CDC42SE2: variants seen among roughly 807,000 people sequenced by gnomAD.
CDC42SE2 encodes the protein CDC42 small effector 2, also known as CDC42 small effector protein 2.
In CDC42SE2, 3 loss-of-function variants were observed where a neutral mutation model predicts 11.5. That is an observed-to-expected ratio of 0.26 (90% CI 0.12 to 0.67). CDC42SE2 has a LOEUF of 0.67. Among genes scored for constraint, CDC42SE2 ranks in the 30% least tolerant of loss-of-function variants. The pLI, the probability that CDC42SE2 is intolerant of heterozygous loss-of-function variation, is 0.80. For synonymous variants in CDC42SE2, 33 were observed against 34.8 expected, an observed-to-expected ratio of 0.95 and a Z score of 0.18; for missense variants, 82 against 106.8, an observed-to-expected ratio of 0.77 and a Z score of 1.02.
intron 1 of CDC42SE2, among the ~76,000 whole-genome samples, chr5:131,306,791 C>A (rs6892016): frequency 0.19 from 28,188 of 151,968 alleles, 6,752 homozygotes; most frequent in African/African-American, 0.56. Context: ...AGTTTTCAGC[C>A]TACAGATCTT....
At chr5:131,390,285 A>G (rs17167511) in intron 4 of CDC42SE2, among the ~76,000 whole-genome samples, 5,428 of 152,224 alleles carry the variant, frequency 0.036, 311 homozygotes, top group African/African-American at 0.12. Context: ...GGTTGGTCCA[A>G]TTTTATTCAT....
intron 1 of CDC42SE2, among the ~76,000 whole-genome samples, chr5:131,315,220 C>T (rs965838917): frequency 4.0e-5 from 6 of 151,828 alleles, no homozygotes; most frequent in East Asian, 1.9e-4. Flanking sequence ...TTTATTTGGA[C>T]GCTTTTAGAT....
At chr5:131,371,608 C>G (rs1410569583) in intron 3 of CDC42SE2, among the ~76,000 whole-genome samples, 1 of 152,206 alleles carries the variant, frequency 6.6e-6, no homozygotes, top group Non-Finnish European at 1.5e-5. Flanking sequence ...CAAACGTAGT[C>G]AAATGCATGT....
At chr5:131,267,094 T>C (rs1756884207) in intron 1 of CDC42SE2, among the ~76,000 whole-genome samples, 1 of 149,622 alleles carries the variant, frequency 6.7e-6, no homozygotes, top group South Asian at 2.1e-4. Flanking sequence ...CTTGCTCTGT[T>C]GCCAGGCTGG....
intron 4 of CDC42SE2, among the ~76,000 whole-genome samples, 182 bp from the exon 5 acceptor site, chr5:131,390,811 G>T (rs565255238): frequency 6.6e-6 from 1 of 152,248 alleles, no homozygotes; most frequent in South Asian, 2.1e-4. Flanking sequence ...TGTTTCAGTT[G>T]CTAGCCTCCC....
intron 2 of CDC42SE2, among the ~76,000 whole-genome samples, chr5:131,338,093 G>T (rs1318459253): frequency 1.3e-5 from 2 of 152,124 alleles, no homozygotes; most frequent in African/African-American, 2.4e-5. Context: ...GGCCATCTTG[G>T]CTCCACCCCC....
intron 1 of CDC42SE2, among the ~76,000 whole-genome samples, chr5:131,279,421 T>G (rs1320506647): frequency 6.6e-6 from 1 of 151,632 alleles, no homozygotes; most frequent in African/African-American, 2.4e-5. Context: ...CAGAACTGAT[T>G]CAGTTTGTTA....
At chr5:131,240,612 G>A (rs1315419041), upstream of CDC42SE2, among the ~76,000 whole-genome samples, 1 of 152,176 alleles carries the variant, frequency 6.6e-6, no homozygotes, top group Non-Finnish European at 1.5e-5. Flanking sequence ...CTACACCTTT[G>A]TTCACCATGA....
At chr5:131,282,616 A>T (rs923129140) in intron 1 of CDC42SE2, among the ~76,000 whole-genome samples, 32 of 151,944 alleles carry the variant, frequency 2.1e-4, no homozygotes, top group Admixed American at 2.1e-3. Flanking sequence ...TAATTCACAT[A>T]AAAAATCACC....
chr5:131,335,885 T>A (rs2149746428), intron 2 of CDC42SE2, among the ~76,000 whole-genome samples: 1 of 152,360 alleles, frequency 6.6e-6, no homozygotes, highest in African/African-American at 2.4e-5. Flanking sequence ...ATGGGTCTCC[T>A]GAATACAGCA....
intron 2 of CDC42SE2, among the ~76,000 whole-genome samples, chr5:131,358,296 G>A (rs910479731): frequency 1.1e-4 from 17 of 152,094 alleles, no homozygotes; most frequent in African/African-American, 3.9e-4. Flanking sequence ...GAGATATGTT[G>A]CCTTACAAAA....
chr5:131,329,012 C>A (rs1186600367), intron 2 of CDC42SE2, among the ~76,000 whole-genome samples: 1 of 152,184 alleles, frequency 6.6e-6, no homozygotes, highest in Non-Finnish European at 1.5e-5. Context: ...GCCCCTTGTA[C>A]AAGGTGGGGG....
chr5:131,290,806 C>T (rs1054516989), intron 1 of CDC42SE2, among the ~76,000 whole-genome samples: 1 of 151,712 alleles, frequency 6.6e-6, no homozygotes, highest in South Asian at 2.1e-4. Context: ...ATGAAACCAG[C>T]GTAGTTTTTA....
At chr5:131,310,094 A>G (rs1757870394) in intron 1 of CDC42SE2, among the ~76,000 whole-genome samples, 2 of 151,056 alleles carry the variant, frequency 1.3e-5, no homozygotes, top group African/African-American at 2.4e-5. Context: ...AGTGCTATAA[A>G]TTTCCTTCTA....
At position 131,307,460 on chromosome 5, in the gene CDC42SE2, C is replaced by G. The variant is rs185363073; in HGVS notation, c.-454-8516C>G. ...ATGTGCCACATTTTCTTAATCCAGTCTATCATTGTTGGACATTTGGCTTGG... is the reference window on the plus strand; with the variant it reads ...ATGTGCCACATTTTCTTAATCCAGTGTATCATTGTTGGACATTTGGCTTGG... On this transcript the variant is annotated intron_variant, in intron 1 of 4. Coordinates refer to ENST00000505065, the MANE Select transcript of CDC42SE2 (RefSeq NM_001375635.1). Among the ~76,000 whole-genome samples the G allele has an allele frequency of 4.1e-3, 628 of 152,162 alleles. 4 individuals are homozygous for G. Among genetic ancestry groups the G allele is most frequent in the African/African-American group, 0.013 (544 of 41,498 alleles).
chr5:131,261,228 T>C (rs1756722885), upstream of CDC42SE2: 2 of 152,366 alleles, frequency 1.3e-5, no homozygotes, highest in East Asian at 3.9e-4. Flanking sequence ...GTGAATAAAT[T>C]ATGAAGAGTG....
chr5:131,218,101 G>A, the CDC42SE2 span, among the ~76,000 whole-genome samples: 1 of 150,882 alleles, frequency 6.6e-6, no homozygotes, highest in African/African-American at 2.4e-5. Flanking sequence ...ACTTGAGTCG[G>A]GGAGGTCAAG....
intron 1 of CDC42SE2, among the ~76,000 whole-genome samples, chr5:131,305,182 G>C (rs1757756259): frequency 6.6e-6 from 1 of 152,024 alleles, no homozygotes; most frequent in Non-Finnish European, 1.5e-5. Flanking sequence ...CATGTTGATG[G>C]GTGTATAAAA....
intron 1 of CDC42SE2, among the ~76,000 whole-genome samples, chr5:131,292,637 G>A (rs1399071084): frequency 6.3e-5 from 9 of 143,264 alleles, no homozygotes; most frequent in Non-Finnish European, 3.1e-5. Context: ...GGTGGCTTGT[G>A]CCTGTAATCC....
Sources: allele counts gnomAD v4.1 joint callset (sites outside exome capture counted in the v4.1 genomes callset), GRCh38; gene constraint gnomAD v4.1.1; transcripts MANE v1.5; gene names NCBI Gene and HGNC (gene_info 2026-07-23, HGNC 2026-07-21).